KPNA1: variants seen among roughly 807,000 people sequenced by gnomAD.
KPNA1 encodes importin subunit alpha-5.
Under a neutral mutation model 70.5 loss-of-function variants are expected in KPNA1, and 10 were observed. The observed-to-expected ratio is 0.14, with a 90% CI of 0.09 to 0.24. The LOEUF (loss-of-function observed/expected upper bound fraction) is 0.24. KPNA1 is among the 10% of genes least tolerant of loss of function. KPNA1 has a pLI of 1.00. For synonymous variants in KPNA1, 192 were observed against 221.9 expected, an observed-to-expected ratio of 0.87 and a Z score of 1.20; for missense variants, 397 against 637.9, an observed-to-expected ratio of 0.62 and a Z score of 4.07.
At chr3:122,438,759 T>G (rs1384427770) in intron 10 of KPNA1, among the ~76,000 whole-genome samples, 1 of 152,094 alleles carries the variant, frequency 6.6e-6, no homozygotes, top group Admixed American at 6.6e-5. Flanking sequence ...TGCAACTACT[T>G]AAGAGTAAAT....
At chr3:122,467,475 C>A in intron 2 of KPNA1, 46 bp from the exon 3 acceptor site, 2 of 1,191,976 alleles carry the variant, frequency 1.7e-6, no homozygotes, top group African/African-American at 1.5e-5. Flanking sequence ...AATTCTAACA[C>A]AAGGGAGTTC....
chr3:122,462,775 T>A (rs1181011084), intron 4 of KPNA1, among the ~76,000 whole-genome samples: 3 of 152,180 alleles, frequency 2.0e-5, no homozygotes, highest in Admixed American at 2.0e-4. Flanking sequence ...ATATATTAAA[T>A]TTTTTTAAAT....
intron 12 of KPNA1, chr3:122,432,529 G>A (rs1249653807): frequency 6.6e-6 from 1 of 152,192 alleles, no homozygotes; most frequent in Non-Finnish European, 1.5e-5. Flanking sequence ...AATGTAAGTA[G>A]TAGCTATGTT....
chr3:122,496,735 C>T (rs991470629), intron 1 of KPNA1, 165 bp from the exon 2 acceptor site: 2 of 549,256 alleles, frequency 3.6e-6, no homozygotes, highest in Non-Finnish European at 6.4e-6. Flanking sequence ...CAAGGTCTTG[C>T]TCTGTCCACC....
intron 10 of KPNA1, among the ~76,000 whole-genome samples, chr3:122,440,545 T>C (rs992812718): frequency 6.6e-6 from 1 of 152,088 alleles, no homozygotes; most frequent in Non-Finnish European, 1.5e-5. Context: ...ATTCAGAGGG[T>C]ATAAAAGACT....
chr3:122,434,980 T>C (rs780452922), intron 11 of KPNA1, among the ~76,000 whole-genome samples: 8 of 152,172 alleles, frequency 5.3e-5, no homozygotes, highest in East Asian at 1.9e-4. Context: ...AAAACTCTTA[T>C]TATACCTGTG....
chr3:122,438,666 A>C (rs2076022321), intron 10 of KPNA1, among the ~76,000 whole-genome samples: 1 of 152,198 alleles, frequency 6.6e-6, no homozygotes, highest in Non-Finnish European at 1.5e-5. Flanking sequence ...GATTACAGGC[A>C]GGAGCCACCA....
intron 1 of KPNA1, among the ~76,000 whole-genome samples, chr3:122,497,936 T>TGTG (rs2076782785): frequency 1.3e-5 from 2 of 152,206 alleles, no homozygotes; most frequent in Non-Finnish European, 2.9e-5. Context: ...TGTTTTTTGC[T>TGTG]GTTGTTGTTG....
In KPNA1 at chr3:122,442,089, A is replaced by T; in HGVS notation, c.945T>A (p.Pro315=). ...CAATGTTTCCCACAGCTCGCAAAGC[A>T]GGAGAAACCACTTTATAATCATTAT... The part of the protein sequence containing the change: ...LMHNDYKVVS[P]ALRAVGNIVT... The change falls in exon 10 of 14, where the codon CCT becomes CCA. Residue 315 remains proline, a synonymous_variant. Coordinates refer to ENST00000344337, the MANE Select transcript of KPNA1 (RefSeq NM_002264.4). The T allele has an allele frequency of 6.2e-7, 1 of 1,613,878 alleles. No individual in the cohort carries two copies. The highest frequency in any genetic ancestry group is 8.5e-7 in the Non-Finnish European group (1 of 1,179,736).
rs2075802440 is a variant in KPNA1 at position 122,424,956 on chromosome 3, A to C, written c.*2029T>G. On this transcript the variant is annotated 3_prime_UTR_variant, in exon 14 of 14. Transcript: ENST00000344337. Reference sequence around the variant, plus strand: ...AATTAACCACCTAATTTATCCCTAAAATTACAAAGAATCAGTCTTTTACAG... The same window carrying C: ...AATTAACCACCTAATTTATCCCTAACATTACAAAGAATCAGTCTTTTACAG... 6.6e-6 allele frequency: 1 copy of C among 152,670 alleles called. No individual in the cohort carries two copies. The highest frequency in any genetic ancestry group is 2.4e-5 in the African/African-American group (1 of 41,472). 9.5% of individuals were successfully genotyped at this position (152,670 alleles called of 1,614,324 possible).
Position 122,426,805 on chromosome 3 carries a change from C to T in KPNA1, c.*180G>A, listed in dbSNP as rs2075829045. 6 of 515,098 alleles carry T rather than the reference C, an allele frequency of 1.2e-5. No individual in the cohort carries two copies. Among genetic ancestry groups the T allele is most frequent in the Admixed American group, 3.5e-5 (1 of 28,846 alleles). The allele number at this position is 515,098 out of a possible 1,614,324, so 31.9% of individuals were successfully genotyped here. Reference sequence around the variant, plus strand: ...CTTTTATTAGAAGGGTATTCCACCACAGAGAGCCGGAGGTTTTCCAGATGT... The same window carrying T: ...CTTTTATTAGAAGGGTATTCCACCATAGAGAGCCGGAGGTTTTCCAGATGT... On this transcript the variant is annotated 3_prime_UTR_variant, in exon 14 of 14. Transcript: ENST00000344337.
At chr3:122,449,516 G>T in intron 9 of KPNA1, 58 bp downstream of exon 9, 1 of 1,346,784 alleles carries the variant, frequency 7.4e-7, no homozygotes, top group Non-Finnish European at 1.0e-6. Context: ...AGTATTAGCA[G>T]CTAGAAAACT....
chr3:122,455,177 G>A (rs564246489), intron 5 of KPNA1, among the ~76,000 whole-genome samples: 2 of 152,292 alleles, frequency 1.3e-5, no homozygotes, highest in Admixed American at 1.3e-4. Flanking sequence ...TAATCTTTGG[G>A]AATAGAGGAA....
chr3:122,477,024 A>C (rs971729373), intron 2 of KPNA1, among the ~76,000 whole-genome samples: 1 of 152,192 alleles, frequency 6.6e-6, no homozygotes, highest in Non-Finnish European at 1.5e-5. Context: ...ATATGGAATC[A>C]ACCTAAGTGT....
rs533171268 is a variant in KPNA1 at position 122,426,675 on chromosome 3, A to T, written c.*310T>A. 4.3e-6 allele frequency: 1 copy of T among 234,256 alleles called. No individual in the cohort carries two copies. The highest frequency in any genetic ancestry group is 2.2e-5 in the African/African-American group (1 of 44,604). 14.5% of individuals were successfully genotyped at this position (234,256 alleles called of 1,614,324 possible). ...CCTCTTTTATTCCCCCACAAGAAAA[A>T]GGGAGCCACATTAATATGTGTATAT... On this transcript the variant is annotated 3_prime_UTR_variant, in exon 14 of 14. Coordinates refer to ENST00000344337, the MANE Select transcript of KPNA1 (RefSeq NM_002264.4).
At chr3:122,470,529 T>C (rs55934339) in intron 2 of KPNA1, among the ~76,000 whole-genome samples, 1,681 of 149,312 alleles carry the variant, frequency 0.011, 20 homozygotes, top group African/African-American at 0.033. Flanking sequence ...AATAAACAAA[T>C]AAATAAATAA....
At chr3:122,486,657 A>C (rs982040083) in intron 2 of KPNA1, among the ~76,000 whole-genome samples, 1 of 150,952 alleles carries the variant, frequency 6.6e-6, no homozygotes, top group Admixed American at 6.6e-5. Flanking sequence ...GCGCGATCTC[A>C]GCTCACTGCA....
chr3:122,476,884 A>AAAAAAAACCAAAAAAAAAAAAAAC (rs2076506326), intron 2 of KPNA1, among the ~76,000 whole-genome samples: 1 of 138,648 alleles, frequency 7.2e-6, no homozygotes, highest in Non-Finnish European at 1.6e-5. Context: ...AAAAAAAAAA[A>AAAAAAAACCAAAAAAAAAAAAAAC]CTAAAAAAAG....
At position 122,500,869 on chromosome 3, in the gene KPNA1, GCTCT is replaced by G. The variant is rs537413571; in HGVS notation, c.-5-4303_-5-4300del. On this transcript the variant is annotated intron_variant, in intron 1 of 13. Coordinates refer to ENST00000344337, the MANE Select transcript of KPNA1 (RefSeq NM_002264.4). ...TTTGTCAATTTTATTCATCTTTAATGCTCTCTATTGTTTTCCTATTCTCTATGTC... is the reference window on the plus strand; with the variant it reads ...TTTGTCAATTTTATTCATCTTTAATGCTATTGTTTTCCTATTCTCTATGTC... Among the ~76,000 whole-genome samples, 348 of 151,534 alleles carry G rather than the reference GCTCT, an allele frequency of 2.3e-3. 4 individuals are homozygous for G. Among genetic ancestry groups the G allele is most frequent in the Non-Finnish European group, 1.6e-3 (109 of 67,910 alleles).
Sources: allele counts gnomAD v4.1 joint callset (sites outside exome capture counted in the v4.1 genomes callset), GRCh38; gene constraint gnomAD v4.1.1; transcripts MANE v1.5; gene names NCBI Gene and HGNC (gene_info 2026-07-23, HGNC 2026-07-21).